The following KCNQ1 variants were observed in gnomAD, a reference collection of about 807,000 sequenced individuals.
KCNQ1 encodes potassium voltage-gated channel subfamily KQT member 1.
Under a neutral mutation model 72.4 loss-of-function variants are expected in KCNQ1, and 49 were observed. That is an observed-to-expected ratio of 0.68 (90% CI 0.54 to 0.86). KCNQ1 has a LOEUF of 0.86. Ranked by LOEUF, KCNQ1 falls within the 40% of genes least tolerant of loss-of-function variation. KCNQ1 has a pLI of 0.00. For synonymous variants in KCNQ1, 450 were observed against 412.6 expected, an observed-to-expected ratio of 1.09 and a Z score of -1.10; for missense variants, 790 against 945.1, an observed-to-expected ratio of 0.84 and a Z score of 2.15.
Position 2,652,791 on chromosome 11 carries a change from C to T in KCNQ1, c.1394-9170C>T, listed in dbSNP as rs1849777494. 2.5e-6 allele frequency: 1 copy of T among 399,182 alleles called. No individual in the cohort carries two copies. The highest frequency in any genetic ancestry group is 3.6e-5 in the East Asian group (1 of 28,102). 24.7% of individuals were successfully genotyped at this position (399,182 alleles called of 1,614,324 possible). A position where few individuals can be genotyped will look rare whatever the true frequency, so the allele number is the denominator to read the frequency against. ...TTCCTCAGCGCCCCCGCTACTCAGA[C>T]CCCACCCTTGGGCCTGCAGAGACAT... is the stretch of plus-strand genomic sequence containing the variant. On this transcript the variant is annotated intron_variant, in intron 10 of 15. Coordinates refer to ENST00000155840, the MANE Select transcript of KCNQ1 (RefSeq NM_000218.3). The surrounding 1 kb of genome is among the most constrained non-coding windows in gnomAD (Gnocchi z 5.9).
In KCNQ1 at chr11:2,463,344, T is replaced by C. The variant is rs918776723; in HGVS notation, c.386+17860T>C. ...GAGGCTGTTTTCTGCTGAGGATACA[T>C]TTGCCCCCTCTATCCCCCAGATCGG... On this transcript the variant is annotated intron_variant, in intron 1 of 15. Transcript: ENST00000155840. The surrounding 1 kb of genome is among the most constrained non-coding windows in gnomAD (Gnocchi z 7.0). Among the ~76,000 whole-genome samples, 2 of 151,714 alleles carry C rather than the reference T, an allele frequency of 1.3e-5. No homozygotes were observed. Among genetic ancestry groups the C allele is most frequent in the African/African-American group, 4.9e-5 (2 of 41,012 alleles).
Position 2,479,321 on chromosome 11 carries a change from G to A in KCNQ1, c.386+33837G>A, listed in dbSNP as rs1846619815. ...CACTTTTCCCTTCCTCACTGCCCTA[G>A]CAGAGGTTCTCCATGAGGACCCCAC... On this transcript the variant is annotated intron_variant, in intron 1 of 15. Coordinates refer to ENST00000155840, the MANE Select transcript of KCNQ1 (RefSeq NM_000218.3). The surrounding 1 kb of genome is among the most constrained non-coding windows in gnomAD (Gnocchi z 4.6). Among the ~76,000 whole-genome samples the A allele has an allele frequency of 6.6e-6, 1 of 152,226 alleles. No homozygotes were observed. The highest frequency in any genetic ancestry group is 2.4e-5 in the African/African-American group (1 of 41,454).
chr11:2,729,659 T>G (rs1845820065), intron 11 of KCNQ1, among the ~76,000 whole-genome samples: 1 of 152,166 alleles, frequency 6.6e-6, no homozygotes, highest in Non-Finnish European at 1.5e-5. Context: ...GCATTTGTGT[T>G]GTTAGGTATC....
At chr11:2,775,049 C>T (rs2133988145) in intron 12 of KCNQ1, among the ~76,000 whole-genome samples, 1 of 152,322 alleles carries the variant, frequency 6.6e-6, no homozygotes, top group South Asian at 2.1e-4. Flanking sequence ...ATGATGACTA[C>T]CCTGGGCCTC....
In KCNQ1 at chr11:2,674,832, TAAAAA is replaced by T. The variant is rs34219164; in HGVS notation, c.1514+12775_1514+12779del. The T allele has an allele frequency of 5.0e-4, 153 of 303,308 alleles. No homozygotes were observed. Among genetic ancestry groups the T allele is most frequent in the Admixed American group, 7.6e-4 (10 of 13,228 alleles). 18.8% of individuals were successfully genotyped at this position (303,308 alleles called of 1,614,324 possible). On this transcript the variant is annotated intron_variant, in intron 11 of 15. Coordinates refer to ENST00000155840, the MANE Select transcript of KCNQ1 (RefSeq NM_000218.3). The surrounding 1 kb of genome is among the most constrained non-coding windows in gnomAD (Gnocchi z 5.9). ...GCTTGTCACCCTAATAGCTGTTTTT[TAAAAA>T]AAAAAAAAAAAAAAAAAAAAAAAGC...
chr11:2,582,663 C>G (rs1262064113), intron 6 of KCNQ1, among the ~76,000 whole-genome samples: 1 of 152,222 alleles, frequency 6.6e-6, no homozygotes, highest in Non-Finnish European at 1.5e-5. Context: ...GCCTGTGTGT[C>G]CACAGGGTGA....
rs148280886 is a variant in KCNQ1 at position 2,497,784 on chromosome 11, T to A, written c.387-30144T>A. Among the ~76,000 whole-genome samples the A allele has an allele frequency of 1.8e-3, 271 of 152,328 alleles. No individual in the cohort carries two copies. Among genetic ancestry groups the A allele is most frequent in the African/African-American group, 5.0e-3 (209 of 41,570 alleles). On this transcript the variant is annotated intron_variant, in intron 1 of 15. Coordinates refer to ENST00000155840, the MANE Select transcript of KCNQ1 (RefSeq NM_000218.3). This position sits in a 1 kb window ranked among gnomAD's most constrained non-coding sequence, Gnocchi z 4.5. ...GAATGTTCAGCATTTTTGTGCTGGT[T>A]TTTCCTCATCTTTGTGGATTTATCT...
At chr11:2,632,972 A>ACATACCACT (rs1299725725) in intron 10 of KCNQ1, 1 of 398,366 alleles carries the variant, frequency 2.5e-6, no homozygotes, top group East Asian at 3.6e-5. Context: ...GTCTACTTTT[A>ACATACCACT]GTTTTTTTGA....
Position 2,690,998 on chromosome 11 carries a change from T to A in KCNQ1, c.1514+28917T>A, listed in dbSNP as rs149807970. ...AAAGCCCACCAGACCATCAATGAAG[T>A]GGGCAAAAGCTCTGGGTGAACTCTT... On this transcript the variant is annotated intron_variant, in intron 11 of 15. Transcript: ENST00000155840. The surrounding 1 kb of genome is among the most constrained non-coding windows in gnomAD (Gnocchi z 5.1). The A allele has an allele frequency of 2.0e-3, 806 of 398,614 alleles. 15 individuals are homozygous for A. The East Asian group carries it at 0.027, about 13-fold the overall frequency. The allele number at this position is 398,614 out of a possible 1,614,324, so 24.7% of individuals were successfully genotyped here. A position where few individuals can be genotyped will look rare whatever the true frequency, so the allele number is the denominator to read the frequency against.
intron 6 of KCNQ1, among the ~76,000 whole-genome samples, chr11:2,576,625 T>C (rs1362958885): frequency 6.6e-6 from 1 of 152,234 alleles, no homozygotes; most frequent in African/African-American, 2.4e-5. Context: ...GACTGCCTGC[T>C]GTTCACTCTC....
At chr11:2,694,179 C>G (rs1361920445) in intron 11 of KCNQ1, 1 of 398,544 alleles carries the variant, frequency 2.5e-6, no homozygotes, top group East Asian at 3.6e-5. Flanking sequence ...TTGGCCAGGC[C>G]TGGGCCAGGG....
chr11:2,590,031 C>T (rs1200075502), intron 10 of KCNQ1, among the ~76,000 whole-genome samples: 4 of 152,216 alleles, frequency 2.6e-5, no homozygotes, highest in African/African-American at 4.8e-5. Flanking sequence ...TCCAACTTCT[C>T]TTGCATGTGA....
chr11:2,621,484 C>T lies in KCNQ1; in HGVS notation c.1393+32630C>T. On this transcript the variant is annotated intron_variant, in intron 10 of 15. Transcript: ENST00000155840. The surrounding 1 kb of genome is among the most constrained non-coding windows in gnomAD (Gnocchi z 5.7). ...GAATAGTTTGCAAATATTTTTTCTC[C>T]CATTCTATATGTTGTCTGTTTACTC... The T allele has an allele frequency of 2.5e-6, 1 of 398,386 alleles. No homozygotes were observed. Among genetic ancestry groups the T allele is most frequent in the African/African-American group, 2.1e-5 (1 of 48,658 alleles). 24.7% of individuals were successfully genotyped at this position (398,386 alleles called of 1,614,324 possible).
In KCNQ1 at chr11:2,593,229, G is replaced by A. The variant is rs541853455; in HGVS notation, c.1393+4375G>A. On this transcript the variant is annotated intron_variant, in intron 10 of 15. Transcript: ENST00000155840. The surrounding 1 kb of genome is among the most constrained non-coding windows in gnomAD (Gnocchi z 6.9). ...GCAGGTTGTCAGAGTAGGGCTGGCC[G>A]GAGGTGGCCTCCTGAATGCCCCTAG... is the stretch of plus-strand genomic sequence containing the variant. 4.0e-4 allele frequency among the ~76,000 whole-genome samples: 61 copies of A among 152,208 alleles called. No homozygotes were observed. Among genetic ancestry groups the A allele is most frequent in the Non-Finnish European group, 6.3e-4 (43 of 68,050 alleles).
At chr11:2,829,869 A>G (rs1191056116) in intron 15 of KCNQ1, among the ~76,000 whole-genome samples, 2 of 145,708 alleles carry the variant, frequency 1.4e-5, no homozygotes. Context: ...TTTTCTCACT[A>G]AGGGTAAGAA....
chr11:2,825,715 G>A (rs955089647), intron 15 of KCNQ1, among the ~76,000 whole-genome samples: 23 of 152,330 alleles, frequency 1.5e-4, no homozygotes, highest in African/African-American at 4.1e-4. Context: ...GGAGCTGCGC[G>A]GGGGCAGCTC....
chr11:2,465,810 G>C (rs931001579), intron 1 of KCNQ1, among the ~76,000 whole-genome samples: 3 of 152,220 alleles, frequency 2.0e-5, no homozygotes, highest in Middle Eastern at 3.2e-3. Context: ...ACAGATCCAC[G>C]GCTCCCCTTG....
intron 10 of KCNQ1, chr11:2,625,859 G>A (rs149306964): frequency 2.3e-5 from 9 of 398,632 alleles, no homozygotes; most frequent in African/African-American, 1.6e-4. Flanking sequence ...GTGAGCCACC[G>A]TGCCTGGCCC....
chr11:2,646,508 A>G (rs1590002695), intron 10 of KCNQ1: 1 of 398,598 alleles, frequency 2.5e-6, no homozygotes. Flanking sequence ...TGTTTCACAG[A>G]AATGCTACTG....
Sources: allele counts gnomAD v4.1 joint callset (sites outside exome capture counted in the v4.1 genomes callset), GRCh38; gene constraint gnomAD v4.1.1; non-coding constraint Gnocchi (gnomAD v3.1); transcripts MANE v1.5; gene names NCBI Gene and HGNC (gene_info 2026-07-23, HGNC 2026-07-21).